Variants in RUNX1 observed in about 807,000 individuals in gnomAD.
The protein encoded by RUNX1 is RUNX family transcription factor 1.
Under a neutral mutation model 42.8 loss-of-function variants are expected in RUNX1, and 19 were observed. The observed-to-expected ratio is 0.44, with a 90% CI of 0.31 to 0.65. RUNX1 has a LOEUF of 0.65. Among genes scored for constraint, RUNX1 ranks in the 30% least tolerant of loss-of-function variants. The pLI, the probability that RUNX1 is intolerant of heterozygous loss-of-function variation, is 0.07. For missense variants in RUNX1, 528 were observed against 672.0 expected (o/e 0.79, Z 2.37); for synonymous variants, 271 against 289.4 (o/e 0.94, Z 0.64).
At chr21:34,884,229 G>A (rs1220345125) in intron 4 of RUNX1, among the ~76,000 whole-genome samples, 2 of 152,192 alleles carry the variant, frequency 1.3e-5, no homozygotes, top group Admixed American at 6.5e-5. Context: ...GGAGTAGGGG[G>A]AGAACAGGTT....
At chr21:34,996,307 T>C (rs2058994942) in intron 2 of RUNX1, among the ~76,000 whole-genome samples, 1 of 151,820 alleles carries the variant, frequency 6.6e-6, no homozygotes, top group Admixed American at 6.6e-5. Flanking sequence ...GGAGGAGGGC[T>C]AAATGGAGGG....
chr21:34,942,583 A>G (rs1387541030), intron 2 of RUNX1, among the ~76,000 whole-genome samples: 1 of 152,216 alleles, frequency 6.6e-6, no homozygotes, highest in Non-Finnish European at 1.5e-5. Flanking sequence ...AATGGCATTA[A>G]ATACCAGGAT....
chr21:34,951,204 A>G (rs2058604631), intron 2 of RUNX1, among the ~76,000 whole-genome samples: 1 of 152,346 alleles, frequency 6.6e-6, no homozygotes, highest in South Asian at 2.1e-4. Flanking sequence ...AATGTGTTCT[A>G]AAAGTCGGCG....
Position 34,791,918 on chromosome 21 carries a change from G to A in RUNX1, c.*217C>T. Reference sequence around the variant, plus strand: ...CGCCTCGGACACCTCCGCGAGGGCCGGGGCGCCAGCAGACGGCGGCGGCGT... The same window carrying A: ...CGCCTCGGACACCTCCGCGAGGGCCAGGGCGCCAGCAGACGGCGGCGGCGT... On this transcript the variant is annotated 3_prime_UTR_variant, in exon 9 of 9. Coordinates refer to ENST00000675419, the MANE Select transcript of RUNX1 (RefSeq NM_001754.5). 1 of 311,092 alleles carries A rather than the reference G, an allele frequency of 3.2e-6. No homozygotes were observed. Among genetic ancestry groups the A allele is most frequent in the Non-Finnish European group, 6.1e-6 (1 of 164,394 alleles). The allele number at this position is 311,092 out of a possible 1,614,324, so 19.3% of individuals were successfully genotyped here. A position where few individuals can be genotyped will look rare whatever the true frequency, so the allele number is the denominator to read the frequency against.
intron 2 of RUNX1, among the ~76,000 whole-genome samples, chr21:34,913,001 C>A (rs1402065923): frequency 6.6e-6 from 1 of 152,120 alleles, no homozygotes; most frequent in African/African-American, 2.4e-5. Context: ...GAGGCTGAGG[C>A]AGGTGGATCA....
At chr21:35,000,492 G>C (rs949974037) in intron 2 of RUNX1, among the ~76,000 whole-genome samples, 6 of 151,956 alleles carry the variant, frequency 3.9e-5, no homozygotes, top group South Asian at 2.1e-4. Flanking sequence ...TGCCCACCTC[G>C]GCCTCCCAAA....
chr21:34,820,118 G>C (rs2056885897), intron 7 of RUNX1, among the ~76,000 whole-genome samples: 1 of 152,246 alleles, frequency 6.6e-6, no homozygotes. Context: ...TGGGCTTTGT[G>C]CTCAGGAAGT....
chr21:34,836,281 A>C (rs1439553928), intron 6 of RUNX1, among the ~76,000 whole-genome samples: 1 of 152,228 alleles, frequency 6.6e-6, no homozygotes. Flanking sequence ...TTGGCTGCGT[A>C]TTTTAAGCAC....
chr21:34,870,786 C>G (rs899736139), intron 5 of RUNX1, among the ~76,000 whole-genome samples: 7 of 152,026 alleles, frequency 4.6e-5, no homozygotes, highest in African/African-American at 1.7e-4. Flanking sequence ...GATGAAACCC[C>G]GTCTCTATGA....
At chr21:35,025,928 T>C (rs1208784856) in intron 2 of RUNX1, among the ~76,000 whole-genome samples, 1 of 152,108 alleles carries the variant, frequency 6.6e-6, no homozygotes, top group African/African-American at 2.4e-5. Flanking sequence ...GATTAAGGAA[T>C]GAGTATGGAC....
intron 2 of RUNX1, among the ~76,000 whole-genome samples, chr21:34,916,084 T>C (rs147178604): frequency 1.3e-5 from 2 of 152,314 alleles, no homozygotes; most frequent in African/African-American, 2.4e-5. Context: ...ACCATGATTC[T>C]AGTGATGGCA....
At chr21:35,030,528 A>G (rs1002371199) in intron 2 of RUNX1, among the ~76,000 whole-genome samples, 19 of 152,184 alleles carry the variant, frequency 1.2e-4, no homozygotes, top group African/African-American at 4.6e-4. Context: ...AAAATGTTAA[A>G]GAAAAGTATA....
At chr21:34,948,817 C>G (rs948429342) in intron 2 of RUNX1, among the ~76,000 whole-genome samples, 1 of 152,138 alleles carries the variant, frequency 6.6e-6, no homozygotes, top group Admixed American at 6.5e-5. Flanking sequence ...GCGGTCTCAG[C>G]TCATTGCAAC....
chr21:34,796,808 A>AG (rs1178425922), intron 8 of RUNX1, among the ~76,000 whole-genome samples: 3 of 152,142 alleles, frequency 2.0e-5, no homozygotes, highest in South Asian at 2.1e-4. Flanking sequence ...TTTTTGAAAA[A>AG]GAAAAAAAAA....
chr21:34,904,518 T>C (rs1222582810), intron 2 of RUNX1, among the ~76,000 whole-genome samples: 2 of 152,164 alleles, frequency 1.3e-5, no homozygotes, highest in Admixed American at 1.3e-4. Flanking sequence ...ATCACCAAAA[T>C]ATTACCACAA....
intron 2 of RUNX1, among the ~76,000 whole-genome samples, chr21:35,007,397 C>A (rs1337478601): frequency 6.6e-6 from 1 of 152,144 alleles, no homozygotes; most frequent in African/African-American, 2.4e-5. Flanking sequence ...CCCAGCCCCA[C>A]CCCAGAACTG....
intron 2 of RUNX1, among the ~76,000 whole-genome samples, chr21:35,037,466 C>T (rs1442608564): frequency 1.3e-5 from 2 of 152,040 alleles, no homozygotes; most frequent in African/African-American, 4.8e-5. Flanking sequence ...CTTGGTGCCA[C>T]CCCACAGCGT....
chr21:34,884,365 A>G (rs1438925090), intron 4 of RUNX1, among the ~76,000 whole-genome samples: 1 of 152,240 alleles, frequency 6.6e-6, no homozygotes, highest in African/African-American at 2.4e-5. Flanking sequence ...GAGATTCCTA[A>G]GAAGGCCTTC....
chr21:35,001,305 GTT>G (rs1491420207), intron 2 of RUNX1, among the ~76,000 whole-genome samples: 23 of 74,672 alleles, frequency 3.1e-4, no homozygotes, highest in Non-Finnish European at 1.8e-4. Flanking sequence ...TTGAGTTATG[GTT>G]TTATATATAT....
Sources: gnomAD v4.1 joint callset for allele counts (sites outside exome capture counted in the v4.1 genomes callset) on GRCh38, gnomAD v4.1.1 for gene constraint, MANE v1.5 for transcripts, NCBI Gene and HGNC (gene_info 2026-07-23, HGNC 2026-07-21) for gene names.